Variants in KCNQ1 observed in about 807,000 individuals in gnomAD.
KCNQ1 encodes the protein potassium voltage-gated channel subfamily Q member 1, also known as potassium voltage-gated channel subfamily KQT member 1.
In KCNQ1, 49 loss-of-function variants were observed where a neutral mutation model predicts 72.4. The ratio of observed to expected loss-of-function variants is 0.68; its 90% confidence interval spans 0.54 to 0.86. The LOEUF is 0.86. KCNQ1 is among the 40% of genes least tolerant of loss of function. The pLI is 0.00. For synonymous variants in KCNQ1, 450 were observed against 412.6 expected, an observed-to-expected ratio of 1.09 and a Z score of -1.10; for missense variants, 790 against 945.1, an observed-to-expected ratio of 0.84 and a Z score of 2.15.
At chr11:2,503,088 A>AGACATTGGAGAAACTCTCCAG (rs1435592085) in intron 1 of KCNQ1, among the ~76,000 whole-genome samples, 2 of 152,222 alleles carry the variant, frequency 1.3e-5, no homozygotes, top group Non-Finnish European at 2.9e-5. Flanking sequence ...ACTACTAAAA[A>AGACATTGGAGAAACTCTCCAG]GACATTGGAG....
Position 2,601,079 on chromosome 11 carries a change from A to G in KCNQ1, c.1393+12225A>G, listed in dbSNP as rs1164347728. Reference sequence around the variant, plus strand: ...TTTAAGGCCATGCATATACCCTGCTACTTGTTAAAAAAAAAAAAAAAGTCT... The same window carrying G: ...TTTAAGGCCATGCATATACCCTGCTGCTTGTTAAAAAAAAAAAAAAAGTCT... On this transcript the variant is annotated intron_variant, in intron 10 of 15. Transcript: ENST00000155840. This position sits in a 1 kb window ranked among gnomAD's most constrained non-coding sequence, Gnocchi z 5.2. Among the ~76,000 whole-genome samples the G allele has an allele frequency of 6.9e-6, 1 of 145,850 alleles. No homozygotes were observed. The highest frequency in any genetic ancestry group is 1.5e-5 in the Non-Finnish European group (1 of 67,796).
chr11:2,506,424 G>C (rs1847106939), intron 1 of KCNQ1, among the ~76,000 whole-genome samples: 1 of 152,188 alleles, frequency 6.6e-6, no homozygotes, highest in Non-Finnish European at 1.5e-5. Context: ...TTTATGGTTG[G>C]ATGTGCCATG....
intron 2 of KCNQ1, among the ~76,000 whole-genome samples, chr11:2,529,294 T>G (rs1157050905): frequency 6.6e-6 from 1 of 152,200 alleles, no homozygotes; most frequent in Non-Finnish European, 1.5e-5. Context: ...TTTCATGATG[T>G]CACTTTGTGC....
At position 2,550,682 on chromosome 11, in the gene KCNQ1, C is replaced by T. The variant is rs952731693; in HGVS notation, c.478-19946C>T. Among the ~76,000 whole-genome samples, 13 of 152,104 alleles carry T rather than the reference C, an allele frequency of 8.5e-5. No homozygotes were observed. The highest frequency in any genetic ancestry group is 3.9e-4 in the Admixed American group (6 of 15,274). On this transcript the variant is annotated intron_variant, in intron 2 of 15. Transcript: ENST00000155840. This position sits in a 1 kb window ranked among gnomAD's most constrained non-coding sequence, Gnocchi z 6.0. ...TTGAGGGCCAACAGAGATGGTGTCC[C>T]GGCTGATGTAGGGTCAGGGGCTTCT...
chr11:2,739,510 C>T (rs547188918), intron 11 of KCNQ1, among the ~76,000 whole-genome samples: 7 of 152,346 alleles, frequency 4.6e-5, no homozygotes, highest in Middle Eastern at 3.4e-3. Context: ...AAGGACATTT[C>T]GTAGAACAAC....
At position 2,620,540 on chromosome 11, in the gene KCNQ1, A is replaced by C. The variant is rs1442909448; in HGVS notation, c.1393+31686A>C. 5.1e-6 allele frequency: 2 copies of C among 394,884 alleles called. No homozygotes were observed. Among genetic ancestry groups the C allele is most frequent in the Non-Finnish European group, 8.9e-6 (2 of 224,378 alleles). The allele number at this position is 394,884 out of a possible 1,614,324, so 24.5% of individuals were successfully genotyped here. A position where few individuals can be genotyped will look rare whatever the true frequency, so the allele number is the denominator to read the frequency against. On this transcript the variant is annotated intron_variant, in intron 10 of 15. Coordinates refer to ENST00000155840, the MANE Select transcript of KCNQ1 (RefSeq NM_000218.3). This position sits in a 1 kb window ranked among gnomAD's most constrained non-coding sequence, Gnocchi z 4.5. ...CGAATTCATTCATTTTTATGGCTGC[A>C]TAGTATTCCATGGTGTACATGTACC... is the stretch of plus-strand genomic sequence containing the variant.
intron 10 of KCNQ1, chr11:2,635,306 C>T (rs377533420): frequency 2.6e-4 from 40 of 152,124 alleles, no homozygotes; most frequent in East Asian, 1.9e-3. Context: ...AGGGTTTTTA[C>T]GGTTTTAGGT....
At chr11:2,456,938 CAAAAAAAAAAA>C (rs58543586) in intron 1 of KCNQ1, among the ~76,000 whole-genome samples, 8 of 52,074 alleles carry the variant, frequency 1.5e-4, no homozygotes, top group Admixed American at 3.8e-4. Flanking sequence ...GACTCGGTCT[CAAAAAAAAAAA>C]AAAAAAAAAA....
In KCNQ1 at chr11:2,541,703, A is replaced by G. The variant is rs1457855849; in HGVS notation, c.477+13685A>G. Among the ~76,000 whole-genome samples the G allele has an allele frequency of 9.4e-6, 1 of 106,378 alleles. No individual in the cohort carries two copies. Among genetic ancestry groups the G allele is most frequent in the Non-Finnish European group, 1.8e-5 (1 of 55,608 alleles). The allele number at this position is 106,378 out of a possible 152,430, so 69.8% of individuals were successfully genotyped here. A position where few individuals can be genotyped will look rare whatever the true frequency, so the allele number is the denominator to read the frequency against. ...CTTCATCTCAGGCTCAGGTGTTTTG[A>G]GTTTTTTTTTTTTTTTAAATGAGGA... On this transcript the variant is annotated intron_variant, in intron 2 of 15. Coordinates refer to ENST00000155840, the MANE Select transcript of KCNQ1 (RefSeq NM_000218.3). This position sits in a 1 kb window ranked among gnomAD's most constrained non-coding sequence, Gnocchi z 4.8.
At chr11:2,649,291 C>T in intron 10 of KCNQ1, 1 of 398,338 alleles carries the variant, frequency 2.5e-6, no homozygotes. Context: ...TGTTTCCTCT[C>T]ATTGTTTTTC....
At chr11:2,697,408 A>G in intron 11 of KCNQ1, 1 of 398,592 alleles carries the variant, frequency 2.5e-6, no homozygotes, top group Non-Finnish European at 4.4e-6. Context: ...GGGTATGGCC[A>G]GGATGACATC....
chr11:2,572,371 A>G (rs899026057), intron 5 of KCNQ1, among the ~76,000 whole-genome samples: 2 of 152,164 alleles, frequency 1.3e-5, no homozygotes, highest in Admixed American at 6.5e-5. Flanking sequence ...GCTGGGGGCA[A>G]ATGAAGACAG....
intron 10 of KCNQ1, chr11:2,634,088 A>G (rs1849409008): frequency 2.5e-6 from 1 of 394,784 alleles, no homozygotes; most frequent in Admixed American, 4.5e-5. Context: ...GTTCCATGCA[A>G]GTTTAAGGAT....
At chr11:2,490,878 T>A (rs1564795931) in intron 1 of KCNQ1, among the ~76,000 whole-genome samples, 2 of 152,044 alleles carry the variant, frequency 1.3e-5, no homozygotes, top group Non-Finnish European at 2.9e-5. Context: ...TGTTTGTTTG[T>A]TTGTTTTAGT....
At chr11:2,632,794 A>G (rs1849382533) in intron 10 of KCNQ1, 1 of 398,456 alleles carries the variant, frequency 2.5e-6, no homozygotes, top group East Asian at 3.6e-5. Context: ...TTGTGTATAC[A>G]TACCACATTC....
intron 1 of KCNQ1, among the ~76,000 whole-genome samples, chr11:2,502,594 A>T (rs1847035550): frequency 6.6e-6 from 1 of 152,232 alleles, no homozygotes; most frequent in Non-Finnish European, 1.5e-5. Context: ...CAATATTGTT[A>T]AAATGTCTGT....
chr11:2,577,523 C>T lies in KCNQ1; in HGVS notation c.921+4537C>T, dbSNP rs993466740. Among the ~76,000 whole-genome samples the T allele has an allele frequency of 6.6e-5, 10 of 152,316 alleles. No homozygotes were observed. The East Asian group carries it at 1.7e-3, about 26-fold the overall frequency. ...TTTCACCACCAGCCCGTGTGTGGGG[C>T]TCCGGGCTTCGTGAGTGAGGAGAGG... On this transcript the variant is annotated intron_variant, in intron 6 of 15. Transcript: ENST00000155840.
At position 2,463,574 on chromosome 11, in the gene KCNQ1, G is replaced by A. The variant is rs1417240328; in HGVS notation, c.386+18090G>A. On this transcript the variant is annotated intron_variant, in intron 1 of 15. Transcript: ENST00000155840. This position sits in a 1 kb window ranked among gnomAD's most constrained non-coding sequence, Gnocchi z 7.0. Reference sequence around the variant, plus strand: ...CTGCCTGCCACCTCAAAGTCACGCTGCCCTGGGCACCCTGCCTCTTCCGGG... The same window carrying A: ...CTGCCTGCCACCTCAAAGTCACGCTACCCTGGGCACCCTGCCTCTTCCGGG... 2.0e-5 allele frequency among the ~76,000 whole-genome samples: 3 copies of A among 152,100 alleles called. No individual in the cohort carries two copies. Among genetic ancestry groups the A allele is most frequent in the African/African-American group, 2.4e-5 (1 of 41,390 alleles).
At chr11:2,521,229 G>A (rs994619399) in intron 1 of KCNQ1, among the ~76,000 whole-genome samples, 19 of 151,872 alleles carry the variant, frequency 1.3e-4, no homozygotes, top group Admixed American at 9.2e-4. Flanking sequence ...CCCTCTCCCC[G>A]GCCCCGCCAT....
Sources: allele counts gnomAD v4.1 joint callset (sites outside exome capture counted in the v4.1 genomes callset), GRCh38; gene constraint gnomAD v4.1.1; non-coding constraint Gnocchi (gnomAD v3.1); transcripts MANE v1.5; gene names NCBI Gene and HGNC (gene_info 2026-07-23, HGNC 2026-07-21).